Variants in LGR6 observed in about 807,000 individuals in gnomAD.
LGR6 encodes leucine rich repeat containing G protein-coupled receptor 6.
A neutral mutation model predicts 69.4 loss-of-function variants in LGR6; 45 were observed. The observed-to-expected ratio is 0.65, with a 90% CI of 0.51 to 0.83. The LOEUF is 0.83. Among genes scored for constraint, LGR6 ranks in the 40% least tolerant of loss-of-function variants. The pLI, the probability that LGR6 is intolerant of heterozygous loss-of-function variation, is 0.00. For synonymous variants in LGR6, 538 were observed against 555.0 expected (o/e 0.97, Z 0.43); for missense variants, 1,108 against 1,246.7 (o/e 0.89, Z 1.68).
rs1659231650 is a variant in LGR6 at position 202,206,365 on chromosome 1, GA to G, written c.212+12166del. On this transcript the variant is annotated intron_variant, in intron 1 of 17. Transcript: ENST00000367278. ...CAGGACCCAAAGGAGTCAGAGCCGG[GA>G]ACCAGATCACGTCTCAGGCCACCAT... Among the ~76,000 whole-genome samples the G allele has an allele frequency of 6.6e-5, 10 of 152,330 alleles. No homozygotes were observed. In the South Asian group the frequency reaches 2.1e-3, roughly 32 times the overall value.
intron 1 of LGR6, among the ~76,000 whole-genome samples, chr1:202,211,456 G>C (rs1214137591): frequency 6.6e-6 from 1 of 152,122 alleles, no homozygotes; most frequent in Non-Finnish European, 1.5e-5. Context: ...CAGCCCCCCA[G>C]GTTCAAGCAA....
At chr1:202,260,282 G>T (rs1016627824) in intron 4 of LGR6, among the ~76,000 whole-genome samples, 1 of 151,702 alleles carries the variant, frequency 6.6e-6, no homozygotes, top group East Asian at 2.0e-4. Flanking sequence ...CAGGTGATCC[G>T]CCCGTCTCAG....
At chr1:202,253,570 T>C (rs1459915248) in intron 4 of LGR6, among the ~76,000 whole-genome samples, 3 of 150,100 alleles carry the variant, frequency 2.0e-5, no homozygotes, top group Admixed American at 6.7e-5. Context: ...CCCAAAGTGC[T>C]GGGACTACAG....
chr1:202,305,314 C>T (rs973292608), intron 11 of LGR6, among the ~76,000 whole-genome samples: 3 of 152,164 alleles, frequency 2.0e-5, no homozygotes. Context: ...CTGCCAGCTC[C>T]ATAAATGGTG....
chr1:202,293,549 G>C (rs1188865377), intron 6 of LGR6, among the ~76,000 whole-genome samples: 9 of 151,996 alleles, frequency 5.9e-5, no homozygotes, highest in Non-Finnish European at 1.2e-4. Context: ...TTACCCAGCA[G>C]AATTCTTTGT....
rs2148310109 is a variant in LGR6 at position 202,313,512 on chromosome 1, C to G, written c.1568-1290C>G. On this transcript the variant is annotated intron_variant, in intron 16 of 17. Coordinates refer to ENST00000367278, the MANE Select transcript of LGR6 (RefSeq NM_001017403.2). ...CCTGCATCTGAATTCTAGTCTATTG[C>G]TGTGAGGCTGCAGGCAAGCCACTTA... Among the ~76,000 whole-genome samples, 4 of 152,226 alleles carry G rather than the reference C, an allele frequency of 2.6e-5. No individual in the cohort carries two copies. The South Asian group carries it at 8.3e-4, about 32-fold the overall frequency.
At chr1:202,277,525 C>T (rs3010085) in intron 5 of LGR6, among the ~76,000 whole-genome samples, 70,124 of 151,658 alleles carry the variant, frequency 0.46, 17,179 homozygotes, top group East Asian at 0.7. Flanking sequence ...GTGACATCCC[C>T]GTGACATTGT....
intron 1 of LGR6, among the ~76,000 whole-genome samples, chr1:202,211,706 G>A (rs915559649): frequency 2.0e-5 from 3 of 152,132 alleles, no homozygotes; most frequent in Admixed American, 2.0e-4. Context: ...TAATAGAAAA[G>A]CGTACATATC....
rs1055321807 is a variant in LGR6, at chr1:202,227,055, G to A, written c.285-881G>A. On this transcript the variant is annotated intron_variant, in intron 2 of 17. Transcript: ENST00000367278. ...GGCTCCACCTAAAGGACCTTTCCAC[G>A]GCAAATACCCACCTACAGAACCCAA... Among the ~76,000 whole-genome samples, 19 of 152,078 alleles carry A rather than the reference G, an allele frequency of 1.2e-4. 1 individual carries two copies. The highest frequency in any genetic ancestry group is 8.5e-4 in the Admixed American group (13 of 15,260).
At chr1:202,259,931 G>A (rs532095240) in intron 4 of LGR6, among the ~76,000 whole-genome samples, 1 of 152,326 alleles carries the variant, frequency 6.6e-6, no homozygotes, top group African/African-American at 2.4e-5. Flanking sequence ...TGCGCTGCCT[G>A]TTGTCCAATG....
At chr1:202,204,693 C>A (rs1280535008) in intron 1 of LGR6, among the ~76,000 whole-genome samples, 2 of 7,058 alleles carry the variant, frequency 2.8e-4, no homozygotes, top group East Asian at 6.6e-3. Flanking sequence ...ACACACACCC[C>A]CAAACACACA....
intron 7 of LGR6, among the ~76,000 whole-genome samples, chr1:202,300,299 C>G (rs1667488259): frequency 6.6e-6 from 1 of 152,174 alleles, no homozygotes; most frequent in South Asian, 2.1e-4. Flanking sequence ...GGCCTGCAGC[C>G]ATGTCTCCAC....
rs553131826 is a variant in LGR6 at position 202,315,776 on chromosome 1, C to T, written c.1648+894C>T. Among the ~76,000 whole-genome samples, 23 of 152,340 alleles carry T rather than the reference C, an allele frequency of 1.5e-4. No individual in the cohort carries two copies. In the South Asian group the frequency reaches 4.6e-3, roughly 30 times the overall value. ...CCGAGTTTTCAGTGCTTGGTGACAA[C>T]AGCACGCCCTCTAGTGCCAGCTTGG... On this transcript the variant is annotated intron_variant, in intron 17 of 17. Transcript: ENST00000367278.
intron 6 of LGR6, among the ~76,000 whole-genome samples, chr1:202,284,914 T>G (rs1441766858): frequency 6.6e-6 from 1 of 152,116 alleles, no homozygotes; most frequent in African/African-American, 2.4e-5. Context: ...ATAACCTCAC[T>G]AAACAAATCA....
At chr1:202,289,038 G>T (rs1008436023) in intron 6 of LGR6, among the ~76,000 whole-genome samples, 14 of 152,186 alleles carry the variant, frequency 9.2e-5, no homozygotes, top group African/African-American at 1.7e-4. Flanking sequence ...CGTGGCAAAG[G>T]CTCTCCTGGG....
intron 6 of LGR6, among the ~76,000 whole-genome samples, chr1:202,295,553 AG>A: frequency 6.6e-6 from 1 of 152,300 alleles, no homozygotes; most frequent in East Asian, 1.9e-4. Context: ...CAATTCTCCC[AG>A]TCTGGTTTTC....
At chr1:202,317,641 T>C (rs1285835264) in intron 17 of LGR6, among the ~76,000 whole-genome samples, 1 of 152,208 alleles carries the variant, frequency 6.6e-6, no homozygotes, top group Non-Finnish European at 1.5e-5. Flanking sequence ...CCACCATGCC[T>C]GGCCTATATG....
chr1:202,298,906 A>T (rs1667372470), intron 7 of LGR6, among the ~76,000 whole-genome samples: 1 of 151,634 alleles, frequency 6.6e-6, no homozygotes, highest in Non-Finnish European at 1.5e-5. Context: ...CCTCATCCAG[A>T]AGTTTGAAGG....
In LGR6 at chr1:202,271,913, C is replaced by T. The variant is rs548889362; in HGVS notation, c.429-4393C>T. Among the ~76,000 whole-genome samples the T allele has an allele frequency of 2.8e-3, 432 of 151,792 alleles. 1 individual carries two copies. Among genetic ancestry groups the T allele is most frequent in the South Asian group, 0.016 (75 of 4,780 alleles). ...GCCTCCTCCACTCCCCTCTGTGCTTCGTGGAGTCTCCCTCTAAGGGGGTGT... is the reference window on the plus strand; with the variant it reads ...GCCTCCTCCACTCCCCTCTGTGCTTTGTGGAGTCTCCCTCTAAGGGGGTGT... On this transcript the variant is annotated intron_variant, in intron 4 of 17. Transcript: ENST00000367278.
Sources: gnomAD v4.1 joint callset for allele counts (sites outside exome capture counted in the v4.1 genomes callset) on GRCh38, gnomAD v4.1.1 for gene constraint, MANE v1.5 for transcripts, NCBI Gene and HGNC (gene_info 2026-07-23, HGNC 2026-07-21) for gene names.